Variants in CSMD1 observed in about 807,000 individuals in gnomAD.
CSMD1 encodes the protein CUB and sushi domain-containing protein 1.
CSMD1 carries 213 observed loss-of-function variants against 417.5 expected under a neutral mutation model. The ratio of observed to expected loss-of-function variants is 0.51; its 90% CI spans 0.46 to 0.57. The LOEUF (loss-of-function observed/expected upper bound fraction) is 0.57, where lower values mean the gene tolerates loss of function less well. Ranked by LOEUF, CSMD1 falls within the 20% of genes least tolerant of loss-of-function variation. The probability of loss-of-function intolerance (pLI) is 0.00; values close to 1 mark genes in which losing one functional copy is unlikely to be tolerated. For synonymous variants in CSMD1, 2,862 were observed against 1,736.8 expected (o/e 1.65, Z -16.11); for missense variants, 6,923 against 4,529.7 (o/e 1.53, Z -15.17).
chr8:3,284,360 C>A lies in CSMD1; in HGVS notation c.3951-14G>T, dbSNP rs1410482728. On this transcript the variant is annotated splice_polypyrimidine_tract_variant and intron_variant, in intron 25 of 69. Coordinates refer to ENST00000635120, the MANE Select transcript of CSMD1 (RefSeq NM_033225.6). Reference sequence around the variant, plus strand: ...ATGAAATGGAGGCTGCAAGAGAGAACACAGTAGCGCTACTTGCCGTGCATC... The same window carrying A: ...ATGAAATGGAGGCTGCAAGAGAGAAAACAGTAGCGCTACTTGCCGTGCATC... 21 of 1,597,342 alleles carry A rather than the reference C, an allele frequency of 1.3e-5. No homozygotes were observed. Among genetic ancestry groups the A allele is most frequent in the Non-Finnish European group, 1.8e-5 (21 of 1,166,262 alleles).
chr8:3,210,832 G>T (rs1442390), intron 30 of CSMD1, among the ~76,000 whole-genome samples: 68,588 of 151,330 alleles, frequency 0.45, 15,755 homozygotes, highest in Non-Finnish European at 0.5. Flanking sequence ...AACTGTAATT[G>T]AATTTAATAT....
intron 5 of CSMD1, among the ~76,000 whole-genome samples, chr8:3,969,536 A>G (rs1195313590): frequency 6.6e-6 from 1 of 152,198 alleles, no homozygotes; most frequent in Admixed American, 6.5e-5. Flanking sequence ...AAATCTCTGT[A>G]AAATGAAAAT....
At chr8:4,060,902 C>G (rs1022435145) in intron 3 of CSMD1, among the ~76,000 whole-genome samples, 4 of 152,132 alleles carry the variant, frequency 2.6e-5, no homozygotes, top group African/African-American at 7.2e-5. Flanking sequence ...TCCCACTAAG[C>G]CTGTTTCCCA....
At chr8:3,896,044 C>A (rs769594341) in intron 5 of CSMD1, among the ~76,000 whole-genome samples, 1 of 152,200 alleles carries the variant, frequency 6.6e-6, no homozygotes, top group Admixed American at 6.5e-5. Flanking sequence ...GAAATGACTG[C>A]GGAGCGCTGG....
Position 4,764,741 on chromosome 8 carries a change from C to T in CSMD1, c.86-127183G>A, listed in dbSNP as rs113225234. The stretch of plus-strand genomic sequence containing the variant: ...ACGAAAAATTAGCCGGGTGTTGTGG[C>T]GGCTGCCTGTAGTCCCAGCTACTCT... On this transcript the variant is annotated intron_variant, in intron 1 of 69. Transcript: ENST00000635120. Among the ~76,000 whole-genome samples the T allele has an allele frequency of 3.0e-3, 457 of 150,572 alleles. 2 individuals are homozygous for T. Among genetic ancestry groups the T allele is most frequent in the African/African-American group, 0.011 (439 of 41,172 alleles).
chr8:4,605,294 G>C (rs1380541460), intron 2 of CSMD1, among the ~76,000 whole-genome samples: 1 of 152,026 alleles, frequency 6.6e-6, no homozygotes, highest in Non-Finnish European at 1.5e-5. Context: ...AGAAGAAGAA[G>C]AAGAAATTTT....
At chr8:4,246,550 T>C (rs1251493948) in intron 3 of CSMD1, among the ~76,000 whole-genome samples, 1 of 152,214 alleles carries the variant, frequency 6.6e-6, no homozygotes, top group Non-Finnish European at 1.5e-5. Flanking sequence ...AGATGTTTCA[T>C]GAGGGTTTTC....
At chr8:4,155,344 G>A (rs138204683) in intron 3 of CSMD1, among the ~76,000 whole-genome samples, 3 of 152,242 alleles carry the variant, frequency 2.0e-5, no homozygotes, top group Non-Finnish European at 2.9e-5. Context: ...CATGACTCCC[G>A]CAGGGTAAAC....
At chr8:3,908,974 A>G (rs1808284465) in intron 5 of CSMD1, among the ~76,000 whole-genome samples, 2 of 152,062 alleles carry the variant, frequency 1.3e-5, no homozygotes, top group African/African-American at 2.4e-5. Context: ...CTTCACTACT[A>G]CTTCACTACT....
chr8:4,824,421 T>C (rs1165448822), intron 1 of CSMD1, among the ~76,000 whole-genome samples: 3 of 152,140 alleles, frequency 2.0e-5, no homozygotes, highest in African/African-American at 4.8e-5. Flanking sequence ...TAAGCTAACA[T>C]GTGGTTCCGG....
intron 1 of CSMD1, among the ~76,000 whole-genome samples, chr8:4,649,604 C>G (rs1241074484): frequency 1.3e-5 from 2 of 152,150 alleles, no homozygotes; most frequent in Non-Finnish European, 2.9e-5. Flanking sequence ...TCTACAAATT[C>G]CACTACAAAA....
chr8:4,415,630 C>T (rs1796892189), intron 3 of CSMD1, among the ~76,000 whole-genome samples: 1 of 152,164 alleles, frequency 6.6e-6, no homozygotes, highest in Non-Finnish European at 1.5e-5. Context: ...AAGCAGTATT[C>T]ATTTCATCTT....
intron 1 of CSMD1, among the ~76,000 whole-genome samples, chr8:4,669,629 T>C (rs1805167429): frequency 6.6e-6 from 1 of 152,198 alleles, no homozygotes; most frequent in South Asian, 2.1e-4. Context: ...AGAAACTTTT[T>C]TTAACCTTCC....
chr8:4,736,328 G>C (rs952096601), intron 1 of CSMD1, among the ~76,000 whole-genome samples: 1 of 152,102 alleles, frequency 6.6e-6, no homozygotes, highest in Non-Finnish European at 1.5e-5. Flanking sequence ...GATTATTCTT[G>C]GAGATATTCA....
chr8:3,396,140 T>C (rs1811683830), intron 17 of CSMD1, 54 bp downstream of exon 17: 1 of 1,453,244 alleles, frequency 6.9e-7, no homozygotes, highest in African/African-American at 1.4e-5. Context: ...CCCAGATCTT[T>C]AGTTCTCCCA....
At chr8:4,768,880 C>A (rs1318325436) in intron 1 of CSMD1, among the ~76,000 whole-genome samples, 1 of 152,152 alleles carries the variant, frequency 6.6e-6, no homozygotes, top group Non-Finnish European at 1.5e-5. Flanking sequence ...CACTTCTCCC[C>A]TTTTTCCTAG....
intron 7 of CSMD1, among the ~76,000 whole-genome samples, chr8:3,617,447 G>A (rs532358699): frequency 6.6e-6 from 1 of 152,078 alleles, no homozygotes; most frequent in Non-Finnish European, 1.5e-5. Flanking sequence ...TGTATAATTT[G>A]TCTAATCAAA....
intron 25 of CSMD1, among the ~76,000 whole-genome samples, chr8:3,286,216 C>T (rs1016555326): frequency 2.6e-5 from 4 of 152,142 alleles, no homozygotes; most frequent in African/African-American, 9.7e-5. Flanking sequence ...TTTCTTAATC[C>T]AGTCTATCAT....
At chr8:3,824,060 T>A (rs1801902315) in intron 5 of CSMD1, among the ~76,000 whole-genome samples, 2 of 152,140 alleles carry the variant, frequency 1.3e-5, no homozygotes, top group Admixed American at 6.6e-5. Context: ...TCATTCTTCA[T>A]CCTGGTGATT....
Sources: allele counts gnomAD v4.1 joint callset (sites outside exome capture counted in the v4.1 genomes callset), GRCh38; gene constraint gnomAD v4.1.1; transcripts MANE v1.5; gene names NCBI Gene and HGNC (gene_info 2026-07-23, HGNC 2026-07-21).